SHANK2: variants seen among roughly 807,000 people sequenced by gnomAD.
The protein encoded by SHANK2 is SH3 and multiple ankyrin repeat domains 2.
A neutral mutation model predicts 133.7 loss-of-function variants in SHANK2; 43 were observed. The observed-to-expected ratio is 0.32, with a 90% CI of 0.25 to 0.41. The LOEUF (loss-of-function observed/expected upper bound fraction) is 0.41, where lower values mean the gene tolerates loss of function less well. Ranked by LOEUF, SHANK2 falls within the 10% of genes least tolerant of loss-of-function variation. SHANK2 has a pLI of 1.00. For synonymous variants in SHANK2, 1,017 were observed against 952.8 expected (o/e 1.07, Z -1.24); for missense variants, 1,994 against 2,235.8 (o/e 0.89, Z 2.18).
intron 10 of SHANK2, among the ~76,000 whole-genome samples, chr11:71,056,133 G>T (rs1950916261): frequency 6.6e-6 from 1 of 152,196 alleles, no homozygotes; most frequent in Non-Finnish European, 1.5e-5. Flanking sequence ...TCCTCAGGAA[G>T]CTTGTCCCAC....
intron 9 of SHANK2, among the ~76,000 whole-genome samples, chr11:71,066,370 T>C (rs1951064257): frequency 6.6e-6 from 1 of 150,402 alleles, no homozygotes; most frequent in Non-Finnish European, 1.5e-5. Flanking sequence ...TGCAGAAGTC[T>C]CCCAGGGAGA....
In SHANK2 at chr11:70,510,271, G is replaced by A. The variant is rs56342940; in HGVS notation, c.2062-7340C>T. On this transcript the variant is annotated intron_variant, in intron 17 of 25. Coordinates refer to ENST00000601538, the MANE Select transcript of SHANK2 (RefSeq NM_012309.5). ...AACCTGGGGCCAAGGTTGGTGGCTG[G>A]GGCATCTTAAAGGTCCTGGGGGAAG... Among the ~76,000 whole-genome samples the A allele has an allele frequency of 6.3e-3, 952 of 152,296 alleles. 3 individuals are homozygous for A. Among genetic ancestry groups the A allele is most frequent in the Admixed American group, 0.017 (257 of 15,300 alleles).
intron 17 of SHANK2, among the ~76,000 whole-genome samples, chr11:70,524,304 C>T (rs1478874625): frequency 6.6e-6 from 1 of 152,212 alleles, no homozygotes; most frequent in Non-Finnish European, 1.5e-5. Context: ...CGCTCACATC[C>T]ACGCTCGCCT....
intron 2 of SHANK2, among the ~76,000 whole-genome samples, chr11:71,200,977 A>G (rs559017234): frequency 2.8e-4 from 42 of 150,294 alleles, no homozygotes; most frequent in African/African-American, 9.5e-4. Context: ...GGCACCTGCA[A>G]TGTGGCAGGG....
At chr11:70,742,022 AGTCC>A (rs1380279240) in intron 14 of SHANK2, among the ~76,000 whole-genome samples, 3 of 152,180 alleles carry the variant, frequency 2.0e-5, no homozygotes, top group Admixed American at 6.5e-5. Context: ...GTCTCTTCCG[AGTCC>A]CCACCTCCTC....
intron 17 of SHANK2, chr11:70,631,922 T>C (rs1401082319): frequency 1.3e-5 from 2 of 152,216 alleles, no homozygotes; most frequent in African/African-American, 2.4e-5. Context: ...AGGAAAGCAG[T>C]TGCCACAGGT....
chr11:70,547,188 C>T (rs1318368862), intron 17 of SHANK2, among the ~76,000 whole-genome samples: 1 of 152,208 alleles, frequency 6.6e-6, no homozygotes, highest in Non-Finnish European at 1.5e-5. Flanking sequence ...GAGTCCTATC[C>T]CGTACTAAGT....
chr11:70,557,623 GGCC>G (rs759946724), intron 17 of SHANK2, among the ~76,000 whole-genome samples: 1 of 152,160 alleles, frequency 6.6e-6, no homozygotes, highest in Non-Finnish European at 1.5e-5. Flanking sequence ...CTGACAGTGG[GGCC>G]TGGGGGAGCT....
intron 2 of SHANK2, among the ~76,000 whole-genome samples, chr11:71,152,800 A>T (rs1555108362): frequency 6.6e-6 from 1 of 152,110 alleles, no homozygotes; most frequent in Non-Finnish European, 1.5e-5. Flanking sequence ...TCTGACTGGG[A>T]GGGTCTTGAC....
intron 14 of SHANK2, among the ~76,000 whole-genome samples, chr11:70,701,489 C>T (rs1945519982): frequency 6.6e-6 from 1 of 152,174 alleles, no homozygotes; most frequent in Non-Finnish European, 1.5e-5. Context: ...GTAAGCTCTG[C>T]CTTCCAGGTC....
intron 17 of SHANK2, among the ~76,000 whole-genome samples, chr11:70,576,406 G>A (rs575401559): frequency 1.2e-4 from 19 of 152,168 alleles, no homozygotes; most frequent in African/African-American, 4.1e-4. Context: ...AGGCCGAGGC[G>A]GGCAGATCAC....
chr11:71,134,439 AT>A (rs376602865), intron 3 of SHANK2, among the ~76,000 whole-genome samples: 23,472 of 133,870 alleles, frequency 0.18, 1,879 homozygotes, highest in South Asian at 0.3. Context: ...TTACATCTCA[AT>A]TTTTTTTTTT....
intron 12 of SHANK2, among the ~76,000 whole-genome samples, chr11:70,817,930 T>C (rs1414084422): frequency 6.6e-6 from 1 of 152,226 alleles, no homozygotes; most frequent in Admixed American, 6.5e-5. Context: ...AGATGGGGTT[T>C]CACCATGTTA....
chr11:71,206,850 A>G lies in SHANK2; in HGVS notation c.-13+17847T>C, dbSNP rs139963468. 3.6e-3 allele frequency among the ~76,000 whole-genome samples: 547 copies of G among 152,256 alleles called. 3 individuals carry two copies. Among genetic ancestry groups the G allele is most frequent in the African/African-American group, 0.013 (527 of 41,556 alleles). ...CAGCTACTGAGGAGGTTGAGGTGGGAGGCTTGCTTGAGGCCAGGAGTTTGA... is the reference window on the plus strand; with the variant it reads ...CAGCTACTGAGGAGGTTGAGGTGGGGGGCTTGCTTGAGGCCAGGAGTTTGA... On this transcript the variant is annotated intron_variant, in intron 2 of 25. Transcript: ENST00000601538.
At chr11:70,556,894 AT>A (rs561861438) in intron 17 of SHANK2, among the ~76,000 whole-genome samples, 1 of 150,708 alleles carries the variant, frequency 6.6e-6, no homozygotes, top group Non-Finnish European at 1.5e-5. Context: ...CTCATTTTAA[AT>A]TTTTTTTGGT....
chr11:70,645,541 G>A (rs1314697281), intron 17 of SHANK2, among the ~76,000 whole-genome samples: 2 of 152,170 alleles, frequency 1.3e-5, no homozygotes, highest in Non-Finnish European at 1.5e-5. Flanking sequence ...ATGAGGCTGG[G>A]CCCAATACAG....
At chr11:70,718,191 A>AG (rs1243865773) in intron 14 of SHANK2, among the ~76,000 whole-genome samples, 3 of 152,172 alleles carry the variant, frequency 2.0e-5, no homozygotes, top group African/African-American at 7.2e-5. Flanking sequence ...GATGGGCCGG[A>AG]GGTGTCACTT....
chr11:70,931,554 C>T (rs1555082507), intron 10 of SHANK2, among the ~76,000 whole-genome samples: 1 of 152,238 alleles, frequency 6.6e-6, no homozygotes, highest in Non-Finnish European at 1.5e-5. Flanking sequence ...GCTATAGAAT[C>T]ACCCGTCCTT....
intron 10 of SHANK2, among the ~76,000 whole-genome samples, chr11:70,899,021 C>A (rs1356575522): frequency 1.3e-5 from 2 of 152,128 alleles, no homozygotes; most frequent in African/African-American, 4.8e-5. Flanking sequence ...GGCAAAATAA[C>A]CCTGAAAGGA....
Sources: gnomAD v4.1 joint callset for allele counts (sites outside exome capture counted in the v4.1 genomes callset) on GRCh38, gnomAD v4.1.1 for gene constraint, MANE v1.5 for transcripts, NCBI Gene and HGNC (gene_info 2026-07-23, HGNC 2026-07-21) for gene names.